Variants in TAF2 observed in about 807,000 individuals in gnomAD.
TAF2 encodes transcription initiation factor TFIID subunit 2.
A neutral mutation model predicts 138.5 loss-of-function variants in TAF2; 61 were observed. The ratio of observed to expected loss-of-function variants is 0.44; its 90% CI spans 0.36 to 0.54. The LOEUF (loss-of-function observed/expected upper bound fraction) is 0.54. Ranked by LOEUF, TAF2 falls within the 20% of genes least tolerant of loss-of-function variation. The probability of loss-of-function intolerance (pLI) is 0.00; values close to 1 mark genes in which losing one functional copy is unlikely to be tolerated. For synonymous variants in TAF2, 475 were observed against 469.9 expected (o/e 1.01, Z -0.14); for missense variants, 1,090 against 1,427.9 (o/e 0.76, Z 3.81).
At chr8:119,806,437 C>A in intron 3 of TAF2, 36 bp from the exon 4 acceptor site, 1 of 1,467,570 alleles carries the variant, frequency 6.8e-7, no homozygotes, top group South Asian at 1.1e-5. Flanking sequence ...TAATAATAAG[C>A]CATGTATCTT....
At position 119,788,368 on chromosome 8, in the gene TAF2, T is replaced by A; in HGVS notation, c.1763A>T (p.His588Leu). The A allele has an allele frequency of 6.2e-7, 1 of 1,613,744 alleles. No homozygotes were observed. The highest frequency in any genetic ancestry group is 8.5e-7 in the Non-Finnish European group (1 of 1,179,874). The stretch of plus-strand genomic sequence containing the variant: ...ACTTTTGGAATGGCAGGGTATATCA[T>A]GTTTAAGGCTGTTTTCTTCAATTTG... ...TLQIEENSLK[H>L]DIPCHSKSRR... The change falls in exon 14 of 26, where the codon CAT (histidine) becomes CTT (leucine). Residue 588 changes from histidine to leucine, a missense_variant. Around this residue, in one of 3 missense-constraint regions of TAF2, gnomAD observed 6 missense variants for 27.3 expected, o/e 0.22. Coordinates refer to ENST00000378164, the MANE Select transcript of TAF2 (RefSeq NM_003184.4).
At position 119,793,414 on chromosome 8, in the gene TAF2, C is replaced by T; in HGVS notation, c.1229G>A (p.Gly410Asp). ...AAATATGGGATGTAGTAAAACCCCA[C>T]CAGTTTTTAGTTCATATGCCACTAT... is the stretch of plus-strand genomic sequence containing the variant. ...DKIVAYELKT[G>D]GVLLHPIFGG... is the part of the protein sequence containing the mutation. The change falls in exon 10 of 26, where the codon GGT becomes GAT. Residue 410 changes from glycine to aspartate, a missense_variant. Gly to Asp is a moderately conservative substitution (Grantham distance 94). Coordinates refer to ENST00000378164, the MANE Select transcript of TAF2 (RefSeq NM_003184.4). 3 of 1,613,004 alleles carry T rather than the reference C, an allele frequency of 1.9e-6. No individual in the cohort carries two copies. The highest frequency in any genetic ancestry group is 2.5e-6 in the Non-Finnish European group (3 of 1,179,350).
At chr8:119,776,229 T>C (rs905542433) in intron 18 of TAF2, among the ~76,000 whole-genome samples, 3 of 152,174 alleles carry the variant, frequency 2.0e-5, no homozygotes, top group Non-Finnish European at 4.4e-5. Context: ...TGTATTCTTT[T>C]ACAATGTTAA....
intron 9 of TAF2, among the ~76,000 whole-genome samples, chr8:119,795,215 A>G (rs1823739205): frequency 6.6e-6 from 1 of 152,204 alleles, no homozygotes; most frequent in Admixed American, 6.5e-5. Flanking sequence ...ACTTGGAAAG[A>G]TTAAGGTTAC....
intron 2 of TAF2, among the ~76,000 whole-genome samples, chr8:119,827,426 T>G (rs1826170661): frequency 1.3e-5 from 2 of 152,306 alleles, no homozygotes; most frequent in South Asian, 4.1e-4. Flanking sequence ...AACCCCAAAG[T>G]GCATGGAATG....
Position 119,781,100 on chromosome 8 carries a change from CAAT to C in TAF2, c.2203_2205del (p.Ile735del). On this transcript the variant is annotated inframe_deletion, in exon 17 of 26. Transcript: ENST00000378164. ...AAGCTCATAAAGTTGTTTGTTTTCACAATGTTTGGACAACTTTTACAACAAAAC... is the reference window on the plus strand; with the variant it reads ...AAGCTCATAAAGTTGTTTGTTTTCACGTTTGGACAACTTTTACAACAAAAC... 1 of 1,613,940 alleles carries C rather than the reference CAAT, an allele frequency of 6.2e-7. No homozygotes were observed. The highest frequency in any genetic ancestry group is 8.5e-7 in the Non-Finnish European group (1 of 1,180,000).
chr8:119,740,462 T>C (rs1370651133), intron 25 of TAF2, among the ~76,000 whole-genome samples: 1 of 138,288 alleles, frequency 7.2e-6, no homozygotes, highest in Non-Finnish European at 1.5e-5. Flanking sequence ...GAGATGAGCC[T>C]GGCCAATATG....
At chr8:119,768,921 C>A (rs191853249) in intron 18 of TAF2, among the ~76,000 whole-genome samples, 3 of 152,304 alleles carry the variant, frequency 2.0e-5, no homozygotes, top group Non-Finnish European at 2.9e-5. Context: ...GGCCTGGAGA[C>A]AGACGACAGT....
intron 24 of TAF2, among the ~76,000 whole-genome samples, chr8:119,743,736 A>G (rs536230541): frequency 6.6e-6 from 1 of 152,320 alleles, no homozygotes; most frequent in South Asian, 2.1e-4. Context: ...ACAAAAAAAT[A>G]AAGTGCAGAA....
chr8:119,798,277 A>G (rs1823973703), intron 6 of TAF2, among the ~76,000 whole-genome samples: 1 of 152,344 alleles, frequency 6.6e-6, no homozygotes, highest in South Asian at 2.1e-4. Context: ...TATAAAAATA[A>G]TTACTGTAGT....
chr8:119,813,314 A>C (rs1359165305), intron 3 of TAF2, among the ~76,000 whole-genome samples: 1 of 152,230 alleles, frequency 6.6e-6, no homozygotes, highest in Admixed American at 6.5e-5. Context: ...TACTCCTGCT[A>C]TCTGATATAA....
intron 25 of TAF2, among the ~76,000 whole-genome samples, chr8:119,739,851 C>T (rs1328275136): frequency 6.6e-6 from 1 of 151,178 alleles, no homozygotes; most frequent in Non-Finnish European, 1.5e-5. Context: ...TGCTTTTTTT[C>T]TTTGTTTCCT....
intron 2 of TAF2, among the ~76,000 whole-genome samples, chr8:119,827,632 T>C (rs1826184787): frequency 1.3e-5 from 2 of 152,158 alleles, no homozygotes; most frequent in Non-Finnish European, 2.9e-5. Context: ...TGCCTTTAAT[T>C]AGTAGACAAT....
In TAF2 at chr8:119,796,762, C is replaced by T. The variant is rs116238307; in HGVS notation, c.1091+228G>A. On this transcript the variant is annotated intron_variant, in intron 8 of 25. Transcript: ENST00000378164. Reference sequence around the variant, plus strand: ...TCTTTAAATACATATAGAACAGTGTCTTTTAAATTAGCTAATTTAATTAAC... The same window carrying T: ...TCTTTAAATACATATAGAACAGTGTTTTTTAAATTAGCTAATTTAATTAAC... Among the ~76,000 whole-genome samples, 1,377 of 152,066 alleles carry T rather than the reference C, an allele frequency of 9.1e-3. 19 individuals carry two copies. Among genetic ancestry groups the T allele is most frequent in the African/African-American group, 0.032 (1,314 of 41,520 alleles).
intron 15 of TAF2, 25 bp downstream of exon 15, chr8:119,785,176 C>G (rs376981316): frequency 1.6e-5 from 25 of 1,579,596 alleles, no homozygotes; most frequent in African/African-American, 8.1e-5. Context: ...GTATTATAAC[C>G]TTATATTTAA....
intron 21 of TAF2, among the ~76,000 whole-genome samples, chr8:119,757,721 C>T (rs1195972319): frequency 6.6e-6 from 1 of 151,828 alleles, no homozygotes; most frequent in Non-Finnish European, 1.5e-5. Flanking sequence ...CATGGCAAAA[C>T]TCCGTCTCTA....
At chr8:119,785,993 T>A (rs972535056) in intron 14 of TAF2, among the ~76,000 whole-genome samples, 8 of 152,168 alleles carry the variant, frequency 5.3e-5, no homozygotes, top group African/African-American at 1.9e-4. Context: ...TAAGAATGAC[T>A]ATAAGAAGAT....
intron 17 of TAF2, among the ~76,000 whole-genome samples, chr8:119,778,841 CT>C (rs1432386964): frequency 6.6e-6 from 1 of 152,132 alleles, no homozygotes; most frequent in Non-Finnish European, 1.5e-5. Context: ...TAAAACAAAG[CT>C]AATTAAATGC....
chr8:119,748,363 TATTA>T (rs1820124939), intron 22 of TAF2, among the ~76,000 whole-genome samples: 1 of 151,432 alleles, frequency 6.6e-6, no homozygotes, highest in Admixed American at 6.6e-5. Context: ...AACAGGTAAC[TATTA>T]ATTATACGCA....
Sources: allele counts gnomAD v4.1 joint callset (sites outside exome capture counted in the v4.1 genomes callset), GRCh38; gene constraint gnomAD v4.1.1; regional missense constraint gnomAD v4.1.1; transcripts MANE v1.5; gene names NCBI Gene and HGNC (gene_info 2026-07-23, HGNC 2026-07-21).